DUOXA1: variants seen among roughly 807,000 people sequenced by gnomAD.
The protein encoded by DUOXA1 is dual oxidase maturation factor 1.
In DUOXA1, 19 loss-of-function variants were observed where a neutral mutation model predicts 26.6. That is an observed-to-expected ratio of 0.71 (90% CI 0.50 to 1.05). The LOEUF is 1.05. DUOXA1 is among the 50% of genes least tolerant of loss of function. DUOXA1 has a pLI of 0.00. For missense variants in DUOXA1, 403 were observed against 427.5 expected (o/e 0.94, Z 0.51); for synonymous variants, 166 against 177.0 (o/e 0.94, Z 0.49).
chr15:45,123,940 C>T (rs1895457904), intron 3 of DUOXA1, among the ~76,000 whole-genome samples: 1 of 152,074 alleles, frequency 6.6e-6, no homozygotes, highest in African/African-American at 2.4e-5. Flanking sequence ...TTGCATGACA[C>T]ACTACTATTT....
chr15:45,126,036 C>T (rs891982034), intron 3 of DUOXA1, among the ~76,000 whole-genome samples: 3 of 152,178 alleles, frequency 2.0e-5, no homozygotes, highest in Non-Finnish European at 2.9e-5. Context: ...GTATGTTTGG[C>T]AACATCACCA....
chr15:45,120,915 A>G lies in DUOXA1; in HGVS notation c.341-110T>C. 12 of 1,492,382 alleles carry G rather than the reference A, an allele frequency of 8.0e-6. No homozygotes were observed. The South Asian group carries it at 1.3e-4, about 17-fold the overall frequency. The allele number at this position is 1,492,382 out of a possible 1,614,324, so 92.4% of individuals were successfully genotyped here. On this transcript the variant is annotated intron_variant, in intron 6 of 8. Coordinates refer to ENST00000560572, the MANE Select transcript of DUOXA1 (RefSeq NM_001276266.2). ...GACAGGAAGTGGTCTCAACTGAGAGAAGGTAGCTTCCAAGGCCCTGAATTT... is the reference window on the plus strand; with the variant it reads ...GACAGGAAGTGGTCTCAACTGAGAGGAGGTAGCTTCCAAGGCCCTGAATTT...
intron 3 of DUOXA1, among the ~76,000 whole-genome samples, chr15:45,128,005 G>A (rs771330214): frequency 6.6e-6 from 1 of 152,096 alleles, no homozygotes; most frequent in Admixed American, 6.5e-5. Context: ...TCATGGGGTG[G>A]GGGGAGTTTC....
chr15:45,118,980 C>G lies in DUOXA1; in HGVS notation c.*126G>C, dbSNP rs989037277. On this transcript the variant is annotated 3_prime_UTR_variant, in exon 9 of 9. Coordinates refer to ENST00000560572, the MANE Select transcript of DUOXA1 (RefSeq NM_001276266.2). Reference sequence around the variant, plus strand: ...GTATATAGAGCCTCCTTTTTCTACTCCGTCTGTAGATTGGTGCTGGGTGTC... The same window carrying G: ...GTATATAGAGCCTCCTTTTTCTACTGCGTCTGTAGATTGGTGCTGGGTGTC... The G allele has an allele frequency of 1.1e-5, 16 of 1,445,000 alleles. No homozygotes were observed. Among genetic ancestry groups the G allele is most frequent in the Non-Finnish European group, 1.5e-5 (16 of 1,099,864 alleles). 89.5% of individuals were successfully genotyped at this position (1,445,000 alleles called of 1,614,324 possible). A position where few individuals can be genotyped will look rare whatever the true frequency, so the allele number is the denominator to read the frequency against.
chr15:45,120,385 G>T, intron 7 of DUOXA1, 65 bp from the exon 8 acceptor site: 1 of 1,594,416 alleles, frequency 6.3e-7, no homozygotes, highest in Non-Finnish European at 8.6e-7. Flanking sequence ...ATTTGGATGG[G>T]CCCAGGCGGA....
At chr15:45,119,515 C>CT in intron 8 of DUOXA1, 150 bp from the exon 9 acceptor site, 1 of 1,292,408 alleles carries the variant, frequency 7.7e-7, no homozygotes. Context: ...GGCTGAGGGG[C>CT]ATGTGGCTGG....
chr15:45,126,198 A>T (rs996702701), intron 3 of DUOXA1, among the ~76,000 whole-genome samples: 2 of 152,134 alleles, frequency 1.3e-5, no homozygotes, highest in Admixed American at 1.3e-4. Flanking sequence ...CTAGTAAGCC[A>T]ATATAATCAT....
chr15:45,122,766 TG>T, intron 4 of DUOXA1, 101 bp downstream of exon 4: 2 of 1,404,970 alleles, frequency 1.4e-6, no homozygotes, highest in East Asian at 2.4e-5. Context: ...TTCTCCGCAC[TG>T]GGGTCTCCTT....
intron 7 of DUOXA1, 49 bp from the exon 8 acceptor site, chr15:45,120,369 T>G: frequency 6.2e-7 from 1 of 1,606,222 alleles, no homozygotes; most frequent in Non-Finnish European, 8.5e-7. Flanking sequence ...TTCTACCTGC[T>G]GGTGAATTTG....
At chr15:45,125,653 G>A (rs956308443) in intron 3 of DUOXA1, among the ~76,000 whole-genome samples, 3 of 152,120 alleles carry the variant, frequency 2.0e-5, no homozygotes, top group African/African-American at 7.2e-5. Context: ...TGCAGACCAT[G>A]CCCCCTTTCC....
chr15:45,129,416 C>G lies in DUOXA1; in HGVS notation c.-147+44G>C, dbSNP rs1895982199. On this transcript the variant is annotated intron_variant, in intron 2 of 8. Transcript: ENST00000560572. This position sits in a 1 kb window ranked among gnomAD's most constrained non-coding sequence, Gnocchi z 4.1. ...CTCCAATCCCCCCTCCTCCTCTGCG[C>G]CCCCCCACCCATGCCCAGCAATCCC... 6.6e-6 allele frequency: 1 copy of G among 152,634 alleles called. No homozygotes were observed. The highest frequency in any genetic ancestry group is 2.1e-4 in the South Asian group (1 of 4,816). 9.5% of individuals were successfully genotyped at this position (152,634 alleles called of 1,614,324 possible).
At chr15:45,122,083 A>G in intron 5 of DUOXA1, 102 bp downstream of exon 5, 1 of 1,330,122 alleles carries the variant, frequency 7.5e-7, no homozygotes, top group South Asian at 1.3e-5. Context: ...ACCCTGAAGC[A>G]AGGGCCCACC....
chr15:45,122,184 C>A lies in DUOXA1; in HGVS notation c.205+1G>T. 1 of 1,600,422 alleles carries A rather than the reference C, an allele frequency of 6.2e-7. No individual in the cohort carries two copies. The highest frequency in any genetic ancestry group is 1.3e-5 in the African/African-American group (1 of 74,896). On this transcript the variant is annotated splice_donor_variant, in intron 5 of 8. Coordinates refer to ENST00000560572, the MANE Select transcript of DUOXA1 (RefSeq NM_001276266.2). LOFTEE classifies it high-confidence loss of function. ...CCAAGTCAGCTGCACTTCGCACTCA[C>A]CCAGGATTGCAGCCCCGATGAATAA...
At chr15:45,120,532 A>G in intron 7 of DUOXA1, 60 bp downstream of exon 7, 1 of 1,581,708 alleles carries the variant, frequency 6.3e-7, no homozygotes, top group Non-Finnish European at 8.7e-7. Context: ...AGATGGGTAG[A>G]AACCCTGTTC....
In DUOXA1 at chr15:45,119,918, G is replaced by T. The variant is rs80277594; in HGVS notation, c.772+185C>A. Among the ~76,000 whole-genome samples the T allele has an allele frequency of 2.7e-3, 417 of 152,036 alleles. 1 individual carries two copies. The highest frequency in any genetic ancestry group is 9.7e-3 in the African/African-American group (404 of 41,446). Reference sequence around the variant, plus strand: ...CAAGGGAGTGGGCATCTCTGAGGAGGGGGGGGAAGTGGCACTGGGGAGAGA... The same window carrying T: ...CAAGGGAGTGGGCATCTCTGAGGAGTGGGGGGAAGTGGCACTGGGGAGAGA... On this transcript the variant is annotated intron_variant, in intron 8 of 8. Coordinates refer to ENST00000560572, the MANE Select transcript of DUOXA1 (RefSeq NM_001276266.2).
intron 3 of DUOXA1, among the ~76,000 whole-genome samples, chr15:45,125,102 T>G (rs1242074403): frequency 2.6e-5 from 4 of 152,170 alleles, no homozygotes. Context: ...GACAGACAGT[T>G]TTAACTTCTA....
chr15:45,118,008 G>C lies in DUOXA1; in HGVS notation c.*1098C>G, dbSNP rs752582198. On this transcript the variant is annotated 3_prime_UTR_variant, in exon 9 of 9. Transcript: ENST00000560572. Reference sequence around the variant, plus strand: ...CCAGGAGAGCTCCAGGAAGGGCACTGAGCGCTGCTGGCGCGAGGCCTCGGA... The same window carrying C: ...CCAGGAGAGCTCCAGGAAGGGCACTCAGCGCTGCTGGCGCGAGGCCTCGGA... 6.2e-7 allele frequency: 1 copy of C among 1,609,302 alleles called. No homozygotes were observed. The highest frequency in any genetic ancestry group is 1.1e-5 in the South Asian group (1 of 90,982).
intron 4 of DUOXA1, 34 bp from the exon 5 acceptor site, chr15:45,122,276 T>A (rs1261417938): frequency 6.3e-7 from 1 of 1,579,152 alleles, no homozygotes; most frequent in Admixed American, 1.8e-5. Flanking sequence ...AAGTAAAGAG[T>A]GCCTTCCTTC....
rs370420206 is a variant in DUOXA1, at chr15:45,117,851, A to T, written c.*1255T>A. The T allele has an allele frequency of 9.9e-6, 16 of 1,613,650 alleles. No homozygotes were observed. The highest frequency in any genetic ancestry group is 1.4e-5 in the Non-Finnish European group (16 of 1,180,016). ...GGGGGCTCACCTCTTATCCTCGGCG[A>T]CCCACTGCACAAGCAGGCCGCTCTC... On this transcript the variant is annotated 3_prime_UTR_variant, in exon 9 of 9. Transcript: ENST00000560572.
Sources: allele counts gnomAD v4.1 joint callset (sites outside exome capture counted in the v4.1 genomes callset), GRCh38; gene constraint gnomAD v4.1.1; non-coding constraint Gnocchi (gnomAD v3.1); transcripts MANE v1.5; gene names NCBI Gene and HGNC (gene_info 2026-07-23, HGNC 2026-07-21).